Variants in RALYL observed in about 807,000 individuals in gnomAD.
RALYL encodes the protein RNA-binding Raly-like protein.
RALYL carries 29 observed loss-of-function variants against 35.1 expected under a neutral mutation model. The observed-to-expected ratio is 0.83, with a 90% CI of 0.61 to 1.13. RALYL has a LOEUF of 1.13. Ranked by LOEUF, RALYL falls within the 50% of genes most tolerant of loss-of-function variation. The pLI, the probability that RALYL is intolerant of heterozygous loss-of-function variation, is 0.00. For missense variants in RALYL, 359 were observed against 360.4 expected (o/e 1.00, Z 0.03); for synonymous variants, 120 against 127.6 (o/e 0.94, Z 0.40).
At chr8:84,278,025 C>T (rs996675604) in intron 1 of RALYL, among the ~76,000 whole-genome samples, 1 of 152,216 alleles carries the variant, frequency 6.6e-6, no homozygotes, top group African/African-American at 2.4e-5. Flanking sequence ...AGAGGGCACC[C>T]TGTTGGAGGG....
chr8:84,363,878 T>A (rs937721817), intron 1 of RALYL, among the ~76,000 whole-genome samples: 1 of 152,154 alleles, frequency 6.6e-6, no homozygotes, highest in African/African-American at 2.4e-5. Flanking sequence ...AATACTGGTG[T>A]AAAAGCAGTC....
intron 1 of RALYL, among the ~76,000 whole-genome samples, chr8:84,256,778 C>G (rs1268651665): frequency 6.6e-6 from 1 of 152,050 alleles, no homozygotes; most frequent in African/African-American, 2.4e-5. Flanking sequence ...AACGGTCATG[C>G]TCACTTTCTA....
In RALYL at chr8:84,909,661, G is replaced by T. The variant is rs186344493; in HGVS notation, c.859-11233G>T. Among the ~76,000 whole-genome samples the T allele has an allele frequency of 3.1e-3, 466 of 152,188 alleles. 2 individuals are homozygous for T. The highest frequency in any genetic ancestry group is 6.0e-3 in the Non-Finnish European group (409 of 67,988). On this transcript the variant is annotated intron_variant, in intron 8 of 8. Coordinates refer to ENST00000521268, the MANE Select transcript of RALYL (RefSeq NM_173848.7). ...CCAAATATGAAGACTTACGTGACTTGAGCAAATGACTTACCTCTCTGTGCC... is the reference window on the plus strand; with the variant it reads ...CCAAATATGAAGACTTACGTGACTTTAGCAAATGACTTACCTCTCTGTGCC...
chr8:84,656,746 GATAA>G, intron 2 of RALYL, among the ~76,000 whole-genome samples: 1 of 151,920 alleles, frequency 6.6e-6, no homozygotes. Context: ...ATCTACCTGA[GATAA>G]ATATACTTGA....
intron 1 of RALYL, among the ~76,000 whole-genome samples, chr8:84,521,923 T>C (rs182303964): frequency 7.9e-5 from 12 of 152,284 alleles, no homozygotes; most frequent in African/African-American, 2.9e-4. Flanking sequence ...TCAAACCTAG[T>C]CTCTCCTATT....
At chr8:84,298,209 T>C (rs892321023) in intron 1 of RALYL, among the ~76,000 whole-genome samples, 3 of 152,090 alleles carry the variant, frequency 2.0e-5, no homozygotes, top group South Asian at 2.1e-4. Flanking sequence ...TTGATTTTTG[T>C]GGATGGTGAA....
chr8:84,704,782 T>C (rs996302645), intron 2 of RALYL, among the ~76,000 whole-genome samples: 2 of 152,150 alleles, frequency 1.3e-5, no homozygotes, highest in Non-Finnish European at 2.9e-5. Flanking sequence ...ATTCTTGGTA[T>C]ATGTGGTTAC....
chr8:84,679,589 C>T (rs530830633), intron 2 of RALYL: 2 of 450,546 alleles, frequency 4.4e-6, no homozygotes, highest in African/African-American at 2.0e-5. Flanking sequence ...AAACGCCTGC[C>T]TTATCTTCTT....
At chr8:84,470,882 C>A (rs2052647929) in intron 1 of RALYL, among the ~76,000 whole-genome samples, 1 of 152,178 alleles carries the variant, frequency 6.6e-6, no homozygotes, top group Admixed American at 6.5e-5. Flanking sequence ...GTATATAAAG[C>A]TTTGGTTGTT....
At chr8:84,314,184 CA>C (rs1334570341) in intron 1 of RALYL, among the ~76,000 whole-genome samples, 1 of 152,034 alleles carries the variant, frequency 6.6e-6, no homozygotes, top group African/African-American at 2.4e-5. Flanking sequence ...CCCTCATTAT[CA>C]AGGGTACAAC....
chr8:84,884,704 A>T (rs1321410365), intron 7 of RALYL, among the ~76,000 whole-genome samples: 2 of 152,124 alleles, frequency 1.3e-5, no homozygotes, highest in African/African-American at 4.8e-5. Flanking sequence ...TATGTGTTGT[A>T]ACAAAAAGAT....
chr8:84,287,885 G>A (rs1837971643), intron 1 of RALYL, among the ~76,000 whole-genome samples: 2 of 152,166 alleles, frequency 1.3e-5, no homozygotes, highest in Admixed American at 1.3e-4. Context: ...GGGCACTCTT[G>A]ATGGCTGAAG....
chr8:84,580,671 T>C (rs991019582), intron 2 of RALYL, among the ~76,000 whole-genome samples: 4 of 152,222 alleles, frequency 2.6e-5, no homozygotes, highest in African/African-American at 7.2e-5. Flanking sequence ...TTCAGTAATA[T>C]TCTCCTTTCG....
At chr8:84,590,634 G>T (rs1564196953) in intron 2 of RALYL, among the ~76,000 whole-genome samples, 2 of 152,190 alleles carry the variant, frequency 1.3e-5, no homozygotes, top group Non-Finnish European at 2.9e-5. Flanking sequence ...CCACTACACA[G>T]TTTTTAATTC....
intron 1 of RALYL, among the ~76,000 whole-genome samples, chr8:84,394,464 T>A (rs1861358772): frequency 6.6e-6 from 1 of 152,106 alleles, no homozygotes; most frequent in Non-Finnish European, 1.5e-5. Context: ...GAAAGCATAG[T>A]GCAAGAATAC....
chr8:84,216,416 A>T (rs1278602813), intron 1 of RALYL, among the ~76,000 whole-genome samples: 3 of 152,122 alleles, frequency 2.0e-5, no homozygotes, highest in Non-Finnish European at 4.4e-5. Context: ...ACCTTTAAAA[A>T]TTTTTTAGAA....
At chr8:84,384,760 G>C (rs1858814967) in intron 1 of RALYL, among the ~76,000 whole-genome samples, 1 of 151,678 alleles carries the variant, frequency 6.6e-6, no homozygotes, top group South Asian at 2.1e-4. Context: ...GTCCGTCCTA[G>C]GTACCAAATT....
chr8:84,337,736 A>T (rs1376129890), intron 1 of RALYL, among the ~76,000 whole-genome samples: 2 of 152,118 alleles, frequency 1.3e-5, no homozygotes, highest in Admixed American at 6.6e-5. Context: ...GTTGTACTTC[A>T]TCAAATTGAC....
At chr8:84,497,642 G>GTTTTTTTTTTTTTTTTTTTTTTGT (rs71271999) in intron 1 of RALYL, among the ~76,000 whole-genome samples, 1 of 117,242 alleles carries the variant, frequency 8.5e-6, no homozygotes, top group Non-Finnish European at 1.7e-5. Context: ...TTTTGTTTTT[G>GTTTTTTTTTTTTTTTTTTTTTTGT]TTTTTTTTTT....
Sources: allele counts gnomAD v4.1 joint callset (sites outside exome capture counted in the v4.1 genomes callset), GRCh38; gene constraint gnomAD v4.1.1; transcripts MANE v1.5; gene names NCBI Gene and HGNC (gene_info 2026-07-23, HGNC 2026-07-21).